Variants in MAP2K5 observed in about 807,000 individuals in gnomAD.
MAP2K5 encodes the protein mitogen-activated protein kinase kinase 5.
Under a neutral mutation model 83.1 loss-of-function variants are expected in MAP2K5, and 49 were observed. That is an observed-to-expected ratio of 0.59 (90% CI 0.47 to 0.75). The LOEUF is 0.75. MAP2K5 is among the 30% of genes least tolerant of loss of function. The pLI is 0.00. For missense variants in MAP2K5, 457 were observed against 557.5 expected, an observed-to-expected ratio of 0.82 and a Z score of 1.82; for synonymous variants, 202 against 191.8, an observed-to-expected ratio of 1.05 and a Z score of -0.44.
At position 67,748,699 on chromosome 15, in the gene MAP2K5, C is replaced by G; in HGVS notation, c.1134+98C>G. On this transcript the variant is annotated intron_variant, in intron 19 of 21. Coordinates refer to ENST00000178640, the MANE Select transcript of MAP2K5 (RefSeq NM_145160.3). The surrounding 1 kb of genome is among the most constrained non-coding windows in gnomAD (Gnocchi z 4.0). The stretch of plus-strand genomic sequence containing the variant: ...CTAATGAAGCACAATGCCCAACATC[C>G]TTGGAGCAAGTTGTGTTGTATGGCT... The G allele has an allele frequency of 8.6e-7, 1 of 1,158,416 alleles. No individual in the cohort carries two copies. Among genetic ancestry groups the G allele is most frequent in the Non-Finnish European group, 1.3e-6 (1 of 780,960 alleles). The allele number at this position is 1,158,416 out of a possible 1,614,324, so 71.8% of individuals were successfully genotyped here.
Position 67,638,378 on chromosome 15 carries a change from C to T in MAP2K5, c.585+7451C>T, listed in dbSNP as rs2141104286. On this transcript the variant is annotated intron_variant, in intron 9 of 21. Coordinates refer to ENST00000178640, the MANE Select transcript of MAP2K5 (RefSeq NM_145160.3). This position sits in a 1 kb window ranked among gnomAD's most constrained non-coding sequence, Gnocchi z 4.5. ...AAAGATGATGACCTCCAGCTCCATCCATGTTCCTGCAGAGGACATGATCTC... is the reference window on the plus strand; with the variant it reads ...AAAGATGATGACCTCCAGCTCCATCTATGTTCCTGCAGAGGACATGATCTC... Among the ~76,000 whole-genome samples, 1 of 152,286 alleles carries T rather than the reference C, an allele frequency of 6.6e-6. No individual in the cohort carries two copies. Among genetic ancestry groups the T allele is most frequent in the Admixed American group, 6.5e-5 (1 of 15,300 alleles).
rs573998928 is a variant in MAP2K5, at chr15:67,626,587, A to G, written c.546-4301A>G. ...ATAGGGTTCCACTTATAAAATGTGT[A>G]TCACTTTGTACAAAGTATAAAAAAT... On this transcript the variant is annotated intron_variant, in intron 8 of 21. Transcript: ENST00000178640. Among the ~76,000 whole-genome samples the G allele has an allele frequency of 3.8e-4, 58 of 152,256 alleles. 4 individuals are homozygous for G. In the South Asian group the frequency reaches 0.01, roughly 27 times the overall value.
intron 21 of MAP2K5, among the ~76,000 whole-genome samples, chr15:67,784,032 T>A (rs547875303): frequency 6.6e-6 from 1 of 152,244 alleles, no homozygotes; most frequent in Non-Finnish European, 1.5e-5. Flanking sequence ...TCCTGTTTTA[T>A]AATCTTTAAA....
At chr15:67,670,806 A>G (rs989070421) in intron 13 of MAP2K5, among the ~76,000 whole-genome samples, 2 of 152,184 alleles carry the variant, frequency 1.3e-5, no homozygotes, top group African/African-American at 4.8e-5. Flanking sequence ...AAGGAAGGAT[A>G]GTGGGAAGAG....
At chr15:67,597,044 C>T (rs2085542344) in intron 7 of MAP2K5, among the ~76,000 whole-genome samples, 1 of 151,936 alleles carries the variant, frequency 6.6e-6, no homozygotes, top group Non-Finnish European at 1.5e-5. Context: ...TGGTGGGCGC[C>T]TGTAGTCCCA....
At chr15:67,671,869 G>A in intron 13 of MAP2K5, among the ~76,000 whole-genome samples, 1 of 136,316 alleles carries the variant, frequency 7.3e-6, no homozygotes, top group African/African-American at 2.8e-5. Flanking sequence ...GTGTCCATGT[G>A]TTCTCATTGT....
At position 67,708,274 on chromosome 15, in the gene MAP2K5, G is replaced by A. The variant is rs1365341831; in HGVS notation, c.1044+4866G>A. ...GGAGTTTGAGGCTGCAGTGAGCTATGATTGCACCACCACACTCCAGCCTAG... is the reference window on the plus strand; with the variant it reads ...GGAGTTTGAGGCTGCAGTGAGCTATAATTGCACCACCACACTCCAGCCTAG... On this transcript the variant is annotated intron_variant, in intron 16 of 21. Transcript: ENST00000178640. The surrounding 1 kb of genome is among the most constrained non-coding windows in gnomAD (Gnocchi z 4.9). Among the ~76,000 whole-genome samples the A allele has an allele frequency of 6.6e-6, 1 of 151,648 alleles. No individual in the cohort carries two copies. The highest frequency in any genetic ancestry group is 6.6e-5 in the Admixed American group (1 of 15,232).
chr15:67,799,022 A>T (rs1390451232), intron 21 of MAP2K5, among the ~76,000 whole-genome samples: 1 of 152,220 alleles, frequency 6.6e-6, no homozygotes, highest in East Asian at 1.9e-4. Context: ...TACAAAAATT[A>T]GCTGGGCATG....
chr15:67,568,824 G>A (rs572565264), intron 3 of MAP2K5, among the ~76,000 whole-genome samples: 56 of 151,890 alleles, frequency 3.7e-4, no homozygotes, highest in East Asian at 2.9e-3. Context: ...GACTAACACT[G>A]TGAAACCCCA....
intron 13 of MAP2K5, 112 bp from the exon 14 acceptor site, chr15:67,692,367 G>C: frequency 1.5e-6 from 1 of 650,792 alleles, no homozygotes; most frequent in Non-Finnish European, 2.7e-6. Context: ...ATTTCGGATT[G>C]AGCAGATGAT....
chr15:67,706,556 A>G (rs1364026503), intron 16 of MAP2K5, among the ~76,000 whole-genome samples: 5 of 152,158 alleles, frequency 3.3e-5, no homozygotes, highest in Non-Finnish European at 5.9e-5. Context: ...CGGGTGTTAC[A>G]GCAGGAGGAA....
intron 2 of MAP2K5, among the ~76,000 whole-genome samples, chr15:67,551,344 G>T (rs2084506835): frequency 6.6e-6 from 1 of 152,070 alleles, no homozygotes; most frequent in Non-Finnish European, 1.5e-5. Flanking sequence ...GATAATTATT[G>T]TTATTTTTAG....
Position 67,577,156 on chromosome 15 carries a change from C to T in MAP2K5, c.253-3598C>T, listed in dbSNP as rs917482210. ...TTCACCTTGTTAGCCGGGATGGTCT[C>T]GATCTCCTGACCTCATGATCCACCC... On this transcript the variant is annotated intron_variant, in intron 3 of 21. Transcript: ENST00000178640. This position sits in a 1 kb window ranked among gnomAD's most constrained non-coding sequence, Gnocchi z 4.1. 9.9e-5 allele frequency among the ~76,000 whole-genome samples: 15 copies of T among 151,706 alleles called. No homozygotes were observed. Among genetic ancestry groups the T allele is most frequent in the Admixed American group, 2.0e-4 (3 of 15,240 alleles).
rs1350010250 is a variant in MAP2K5 at position 67,790,156 on chromosome 15, TC to T, written c.1243-16488del. ...TTGCAAGGCAGAGCTGGATTGAACT[TC>T]CTTTAAAGCAGCCTGTAGACATCAG... On this transcript the variant is annotated intron_variant, in intron 21 of 21. Transcript: ENST00000178640. The surrounding 1 kb of genome is among the most constrained non-coding windows in gnomAD (Gnocchi z 4.6). Among the ~76,000 whole-genome samples the T allele has an allele frequency of 6.6e-6, 1 of 152,218 alleles. No individual in the cohort carries two copies. The highest frequency in any genetic ancestry group is 1.5e-5 in the Non-Finnish European group (1 of 68,044).
At chr15:67,681,429 C>T (rs1288063185) in intron 13 of MAP2K5, among the ~76,000 whole-genome samples, 1 of 152,216 alleles carries the variant, frequency 6.6e-6, no homozygotes. Context: ...GCAGCGGCAC[C>T]TTCCAGGGCA....
intron 8 of MAP2K5, among the ~76,000 whole-genome samples, chr15:67,625,971 C>G (rs2086310419): frequency 6.6e-6 from 1 of 152,144 alleles, no homozygotes; most frequent in Non-Finnish European, 1.5e-5. Context: ...CTTATCGCTG[C>G]TGCTGGTCTC....
At chr15:67,704,048 A>T (rs1160543917) in intron 16 of MAP2K5, among the ~76,000 whole-genome samples, 3 of 152,108 alleles carry the variant, frequency 2.0e-5, no homozygotes, top group Non-Finnish European at 4.4e-5. Flanking sequence ...AATGGACTTT[A>T]TGTTAGTGTT....
At chr15:67,639,389 T>G (rs114278097) in intron 9 of MAP2K5, among the ~76,000 whole-genome samples, 93 of 152,356 alleles carry the variant, frequency 6.1e-4, no homozygotes, top group African/African-American at 2.1e-3. Context: ...TGCATGCATT[T>G]TTTAAATTAA....
intron 5 of MAP2K5, 98 bp downstream of exon 5, chr15:67,586,028 C>T: frequency 9.3e-7 from 1 of 1,077,314 alleles, no homozygotes; most frequent in Non-Finnish European, 1.4e-6. Flanking sequence ...TTCTCAAGCT[C>T]TGACAAGCGA....
Sources: gnomAD v4.1 joint callset for allele counts (sites outside exome capture counted in the v4.1 genomes callset) on GRCh38, gnomAD v4.1.1 for gene constraint, Gnocchi (gnomAD v3.1) non-coding constraint, MANE v1.5 for transcripts, NCBI Gene and HGNC (gene_info 2026-07-23, HGNC 2026-07-21) for gene names.